The following OCA2 variants were observed in gnomAD, a reference collection of about 807,000 sequenced individuals.
OCA2 encodes the protein OCA2 melanosomal transmembrane protein.
Under a neutral mutation model 100.2 loss-of-function variants are expected in OCA2, and 77 were observed. That is an observed-to-expected ratio of 0.77 (90% CI 0.64 to 0.93). The LOEUF is 0.93. Among genes scored for constraint, OCA2 ranks in the 40% least tolerant of loss-of-function variants. The pLI, the probability that OCA2 is intolerant of heterozygous loss-of-function variation, is 0.00. For synonymous variants in OCA2, 432 were observed against 439.2 expected, an observed-to-expected ratio of 0.98 and a Z score of 0.21; for missense variants, 1,062 against 1,089.1, an observed-to-expected ratio of 0.98 and a Z score of 0.35.
chr15:28,079,918 G>A (rs1257387874), intron 2 of OCA2, among the ~76,000 whole-genome samples: 1 of 152,166 alleles, frequency 6.6e-6, no homozygotes, highest in Admixed American at 6.5e-5. Context: ...GGCTGCCCAG[G>A]GCCTCCTGCC....
intron 18 of OCA2, among the ~76,000 whole-genome samples, chr15:27,933,013 C>A (rs188561557): frequency 6.6e-6 from 1 of 151,886 alleles, no homozygotes; most frequent in Admixed American, 6.6e-5. Context: ...GAATATAGAG[C>A]CCCGAAATAA....
intron 2 of OCA2, among the ~76,000 whole-genome samples, chr15:28,039,729 T>C (rs2043146620): frequency 6.6e-6 from 1 of 152,076 alleles, no homozygotes; most frequent in African/African-American, 2.4e-5. Flanking sequence ...ATCTGACTGG[T>C]GTCCTTATAA....
intron 23 of OCA2, among the ~76,000 whole-genome samples, chr15:27,786,598 T>TTAA (rs1417439903): frequency 2.0e-5 from 3 of 152,174 alleles, no homozygotes; most frequent in African/African-American, 7.2e-5. Flanking sequence ...ATTGTTGCTG[T>TTAA]TAATATACAG....
chr15:27,888,716 CT>C (rs145208650), intron 19 of OCA2, among the ~76,000 whole-genome samples: 92 of 152,124 alleles, frequency 6.0e-4, no homozygotes, highest in African/African-American at 2.2e-3. Flanking sequence ...TGAAAACATC[CT>C]AAGAGCAATC....
chr15:28,088,570 G>A (rs2044818280), intron 1 of OCA2, among the ~76,000 whole-genome samples: 1 of 152,168 alleles, frequency 6.6e-6, no homozygotes, highest in Admixed American at 6.5e-5. Context: ...GCTGGTCTGA[G>A]AAATAAAGGG....
At chr15:27,964,600 G>A (rs1390778232) in intron 15 of OCA2, among the ~76,000 whole-genome samples, 2 of 152,174 alleles carry the variant, frequency 1.3e-5, no homozygotes, top group East Asian at 1.9e-4. Context: ...AGGGGGCGGG[G>A]GGTACAAAGC....
At chr15:27,719,298 G>A in the OCA2 span, among the ~76,000 whole-genome samples, 32 of 152,254 alleles carry the variant, frequency 2.1e-4, no homozygotes, top group Admixed American at 7.2e-4. Flanking sequence ...TTCTCTGTGC[G>A]AGTACATCCC....
intron 21 of OCA2, among the ~76,000 whole-genome samples, chr15:27,866,379 C>G (rs2036325380): frequency 6.6e-6 from 1 of 152,162 alleles, no homozygotes; most frequent in East Asian, 1.9e-4. Context: ...AGGTGCACAG[C>G]TAGGGTCTGC....
intron 2 of OCA2, among the ~76,000 whole-genome samples, chr15:28,048,195 C>A (rs2043400302): frequency 6.6e-6 from 1 of 152,116 alleles, no homozygotes; most frequent in African/African-American, 2.4e-5. Context: ...TAATACTATC[C>A]AAAGTGATTC....
intron 7 of OCA2, 134 bp downstream of exon 7, chr15:28,018,263 G>A (rs2042464898): frequency 1.3e-6 from 1 of 790,186 alleles, no homozygotes; most frequent in African/African-American, 1.7e-5. Context: ...CAAAAGATAA[G>A]AAGAGCCAAT....
At chr15:28,009,684 TCACACACA>T (rs747425942) in intron 9 of OCA2, among the ~76,000 whole-genome samples, 1,406 of 138,100 alleles carry the variant, frequency 0.01, 15 homozygotes, top group African/African-American at 0.035. Flanking sequence ...CGAGATTCTG[TCACACACA>T]CACACACACA....
At chr15:27,979,190 C>T (rs564505970) in intron 14 of OCA2, among the ~76,000 whole-genome samples, 136 of 152,308 alleles carry the variant, frequency 8.9e-4, no homozygotes, top group Non-Finnish European at 1.7e-3. Flanking sequence ...TTTTGCCCAA[C>T]TATATGCTAA....
intron 23 of OCA2, among the ~76,000 whole-genome samples, chr15:27,813,770 T>C (rs1415849474): frequency 1.3e-5 from 2 of 152,156 alleles, no homozygotes; most frequent in Non-Finnish European, 2.9e-5. Flanking sequence ...CAATGCATCT[T>C]CAGAAAGCAC....
At chr15:27,777,892 A>C (rs2032326770) in intron 23 of OCA2, among the ~76,000 whole-genome samples, 2 of 152,210 alleles carry the variant, frequency 1.3e-5, no homozygotes, top group African/African-American at 4.8e-5. Flanking sequence ...AGCCAGCCCT[A>C]ACTGAAAAAC....
chr15:27,948,457 GT>G (rs1229974786), intron 18 of OCA2, among the ~76,000 whole-genome samples: 6 of 151,970 alleles, frequency 3.9e-5, no homozygotes, highest in African/African-American at 1.5e-4. Flanking sequence ...GTTTTTTGGG[GT>G]TTTTTTGTTT....
chr15:28,023,495 G>A (rs956597828), intron 5 of OCA2, among the ~76,000 whole-genome samples: 10 of 152,120 alleles, frequency 6.6e-5, no homozygotes, highest in Admixed American at 6.6e-5. Flanking sequence ...TGCAGGTCAC[G>A]AAACAGCCAG....
chr15:27,871,703 C>T (rs2036580010), intron 20 of OCA2, among the ~76,000 whole-genome samples, 160 bp downstream of exon 20: 1 of 152,150 alleles, frequency 6.6e-6, no homozygotes, highest in Non-Finnish European at 1.5e-5. Flanking sequence ...AAAAAGTCTC[C>T]CTTCATCTCT....
At chr15:27,835,667 T>TGCCTCAGGC (rs1315695072) in intron 23 of OCA2, among the ~76,000 whole-genome samples, 3 of 152,260 alleles carry the variant, frequency 2.0e-5, no homozygotes, top group Non-Finnish European at 2.9e-5. Flanking sequence ...TTGGCTCTGG[T>TGCCTCAGGC]GCCTCAGGCG....
chr15:27,888,566 G>T (rs2037323870), intron 19 of OCA2, among the ~76,000 whole-genome samples: 1 of 151,516 alleles, frequency 6.6e-6, no homozygotes, highest in Non-Finnish European at 1.5e-5. Context: ...TGGAACAAGT[G>T]AAAAATGAAA....
Sources: allele counts gnomAD v4.1 joint callset (sites outside exome capture counted in the v4.1 genomes callset), GRCh38; gene constraint gnomAD v4.1.1; transcripts MANE v1.5; gene names NCBI Gene and HGNC (gene_info 2026-07-23, HGNC 2026-07-21).